Variants in TAB2 observed in about 807,000 individuals in gnomAD.
TAB2 encodes TGF-beta-activated kinase 1 and MAP3K7-binding protein 2.
In TAB2, 3 loss-of-function variants were observed where a neutral mutation model predicts 65.0. That is an observed-to-expected ratio of 0.05 (90% CI 0.02 to 0.12). The LOEUF (loss-of-function observed/expected upper bound fraction) is 0.12, where lower values mean the gene tolerates loss of function less well. Ranked by LOEUF, TAB2 falls within the 10% of genes least tolerant of loss-of-function variation. The pLI, the probability that TAB2 is intolerant of heterozygous loss-of-function variation, is 1.00. For synonymous variants in TAB2, 298 were observed against 285.1 expected (o/e 1.05, Z -0.46); for missense variants, 623 against 840.3 (o/e 0.74, Z 3.20).
rs747375651 is a variant in TAB2, at chr6:149,409,650, C to T, written c.2013C>T (p.Thr671=). Residue 671 remains threonine (T), a synonymous_variant, in exon 7 of 7, where the codon ACC becomes ACT. Transcript: ENST00000637181. ...EDDEGAQWNC[T]ACTFLNHPAL... ...ATGAGGGAGCTCAGTGGAATTGTAC[C>T]GCCTGTACTTTTTTGAACCATCCAG... 1.9e-6 allele frequency: 3 copies of T among 1,614,048 alleles called. No homozygotes were observed. Among genetic ancestry groups the T allele is most frequent in the East Asian group, 2.2e-5 (1 of 44,882 alleles).
intron 1 of TAB2, among the ~76,000 whole-genome samples, chr6:149,228,186 C>T (rs1263429582): frequency 6.6e-6 from 1 of 152,178 alleles, no homozygotes; most frequent in Non-Finnish European, 1.5e-5. Context: ...TAAAAAAAAT[C>T]TGAAATGAAT....
At chr6:149,254,061 G>GA in intron 1 of TAB2, among the ~76,000 whole-genome samples, 1 of 24,306 alleles carries the variant, frequency 4.1e-5, no homozygotes, top group Non-Finnish European at 1.0e-4. Context: ...GAGAGAGGGA[G>GA]GAAGGAAGGA....
chr6:149,357,230 A>G (rs7762078), intron 1 of TAB2, among the ~76,000 whole-genome samples: 2,231 of 152,168 alleles, frequency 0.015, 56 homozygotes, highest in African/African-American at 0.051. Context: ...AGCCTGGCCA[A>G]TATGGTGAAG....
intron 1 of TAB2, among the ~76,000 whole-genome samples, chr6:149,252,297 C>T (rs1032822415): frequency 1.3e-5 from 2 of 151,022 alleles, no homozygotes; most frequent in African/African-American, 2.4e-5. Flanking sequence ...CCCAGCTACT[C>T]GGGAGGCTGA....
chr6:149,287,562 G>C (rs901094161), intron 1 of TAB2, among the ~76,000 whole-genome samples: 1 of 151,524 alleles, frequency 6.6e-6, no homozygotes, highest in Non-Finnish European at 1.5e-5. Context: ...AAAAGTTGTT[G>C]TAAAGGCATT....
chr6:149,275,095 T>G (rs6922846), intron 1 of TAB2, among the ~76,000 whole-genome samples: 1 of 136,560 alleles, frequency 7.3e-6, no homozygotes, highest in African/African-American at 2.8e-5. Flanking sequence ...AATATCCCAT[T>G]CATTTCCCTA....
At chr6:149,364,419 A>G (rs1463986547) in intron 1 of TAB2, among the ~76,000 whole-genome samples, 7 of 152,148 alleles carry the variant, frequency 4.6e-5, no homozygotes, top group African/African-American at 1.4e-4. Flanking sequence ...TGTGAAAGAG[A>G]AAAACAGTGG....
At chr6:149,313,662 C>A (rs1224541246), upstream of TAB2, among the ~76,000 whole-genome samples, 1 of 152,188 alleles carries the variant, frequency 6.6e-6, no homozygotes, top group South Asian at 2.1e-4. Context: ...CCCATAACTT[C>A]TTCTCTTCTC....
At chr6:149,241,975 C>G (rs772075097) in intron 1 of TAB2, among the ~76,000 whole-genome samples, 1 of 152,172 alleles carries the variant, frequency 6.6e-6, no homozygotes, top group Non-Finnish European at 1.5e-5. Flanking sequence ...GCGTTCCCCA[C>G]TGCCTTCCCC....
intron 1 of TAB2, among the ~76,000 whole-genome samples, chr6:149,340,119 C>T (rs1052653689): frequency 1.3e-5 from 2 of 152,096 alleles, no homozygotes; most frequent in African/African-American, 4.8e-5. Flanking sequence ...GATTCGGAAT[C>T]TTTTAAGTTT....
At chr6:149,254,891 A>G (rs1380401233) in intron 1 of TAB2, among the ~76,000 whole-genome samples, 1 of 152,218 alleles carries the variant, frequency 6.6e-6, no homozygotes, top group African/African-American at 2.4e-5. Flanking sequence ...AATTTTAGCT[A>G]TAAAATGTAA....
At chr6:149,371,832 AAATG>A (rs1781236819) in intron 2 of TAB2, among the ~76,000 whole-genome samples, 1 of 152,224 alleles carries the variant, frequency 6.6e-6, no homozygotes, top group African/African-American at 2.4e-5. Flanking sequence ...TGTGAAAAAA[AAATG>A]AGAGAATAAA....
Position 149,399,012 on chromosome 6 carries a change from C to A in TAB2, c.1859-92C>A, listed in dbSNP as rs36071026. 7.7e-3 allele frequency: 8,126 copies of A among 1,053,994 alleles called. 51 individuals carry two copies. Among genetic ancestry groups the A allele is most frequent in the Non-Finnish European group, 9.1e-3 (6,359 of 695,974 alleles). The allele number at this position is 1,053,994 out of a possible 1,614,324, so 65.3% of individuals were successfully genotyped here. On this transcript the variant is annotated intron_variant, in intron 5 of 6. Coordinates refer to ENST00000637181, the MANE Select transcript of TAB2 (RefSeq NM_001292034.3). The stretch of plus-strand genomic sequence containing the variant: ...AATAAATGAAAAGCATTTCTTATAG[C>A]GTGTTTATTTTTAGAAAGAAATACT...
At chr6:149,245,875 T>A (rs1208866143) in intron 1 of TAB2, among the ~76,000 whole-genome samples, 2 of 152,246 alleles carry the variant, frequency 1.3e-5, no homozygotes, top group Non-Finnish European at 1.5e-5. Context: ...CTTCTGTCTA[T>A]ACATTTCTCC....
chr6:149,274,452 G>A (rs927732442), intron 1 of TAB2, among the ~76,000 whole-genome samples: 8 of 152,162 alleles, frequency 5.3e-5, no homozygotes, highest in African/African-American at 1.9e-4. Context: ...TCATGGCTTT[G>A]TCCTCCCTGT....
intron 1 of TAB2, among the ~76,000 whole-genome samples, chr6:149,292,173 A>G (rs1778790594): frequency 6.6e-6 from 1 of 152,218 alleles, no homozygotes; most frequent in African/African-American, 2.4e-5. Flanking sequence ...GAATGTAAGT[A>G]TAAGAATGTT....
chr6:149,248,711 T>C (rs954250761), intron 1 of TAB2, among the ~76,000 whole-genome samples: 1 of 152,164 alleles, frequency 6.6e-6, no homozygotes, highest in Admixed American at 6.5e-5. Context: ...AAGTCAGGAA[T>C]TTTCTGGAGG....
intron 6 of TAB2, among the ~76,000 whole-genome samples, chr6:149,401,704 A>G (rs192943577): frequency 9.8e-5 from 15 of 152,298 alleles, no homozygotes; most frequent in Admixed American, 9.8e-4. Context: ...TCTGTAGGAT[A>G]GATCATATGT....
At chr6:149,314,804 G>T (rs1445457121), upstream of TAB2, among the ~76,000 whole-genome samples, 1 of 151,568 alleles carries the variant, frequency 6.6e-6, no homozygotes, top group Non-Finnish European at 1.5e-5. Context: ...GGTAGCAAGT[G>T]GCTACTGTAT....
Sources: gnomAD v4.1 joint callset for allele counts (sites outside exome capture counted in the v4.1 genomes callset) on GRCh38, gnomAD v4.1.1 for gene constraint, MANE v1.5 for transcripts, NCBI Gene and HGNC (gene_info 2026-07-23, HGNC 2026-07-21) for gene names.